Variants in SV2B observed in about 807,000 individuals in gnomAD.
The protein encoded by SV2B is synaptic vesicle glycoprotein 2B.
Under a neutral mutation model 73.9 loss-of-function variants are expected in SV2B, and 41 were observed. That is an observed-to-expected ratio of 0.56 (90% CI 0.43 to 0.72). The LOEUF is 0.72. SV2B is among the 30% of genes least tolerant of loss of function. The probability of loss-of-function intolerance (pLI) is 0.00; values close to 1 mark genes in which losing one functional copy is unlikely to be tolerated. For synonymous variants in SV2B, 314 were observed against 314.2 expected, an observed-to-expected ratio of 1.00 and a Z score of 0.01; for missense variants, 764 against 857.8, an observed-to-expected ratio of 0.89 and a Z score of 1.37.
At position 91,209,024 on chromosome 15, in the gene SV2B, T is replaced by C. The variant is rs112370826; in HGVS notation, c.-391-16849T>C. On this transcript the variant is annotated intron_variant, in intron 1 of 12. Transcript: ENST00000394232. ...CAGGTCCTGCTTCCTGCTACATAGG[T>C]GACAGAAGAGTCAGAGATAGACTCT... 7.7e-3 allele frequency among the ~76,000 whole-genome samples: 1,168 copies of C among 151,908 alleles called. 14 individuals carry two copies. Among genetic ancestry groups the C allele is most frequent in the African/African-American group, 0.027 (1,114 of 41,346 alleles).
Position 91,284,213 on chromosome 15 carries a change from A to G in SV2B, c.1700A>G (p.Lys567Arg), listed in dbSNP as rs2048783024. 5.0e-6 allele frequency: 8 copies of G among 1,614,156 alleles called. No individual in the cohort carries two copies. The highest frequency in any genetic ancestry group is 2.2e-5 in the East Asian group (1 of 44,882). The part of the protein sequence containing the change: ...ALLMDRIGRL[K>R]MIGGSMLISA... ...CTCATGGATAGAATTGGAAGGCTCAAGATGATTGGTGAGTTGCCAGCAGGG... is the reference window on the plus strand; with the variant it reads ...CTCATGGATAGAATTGGAAGGCTCAGGATGATTGGTGAGTTGCCAGCAGGG... The change falls in exon 11 of 13, where the codon AAG (lysine) becomes AGG (arginine). Residue 567 changes from lysine to arginine, a missense_variant. Transcript: ENST00000394232. The surrounding 1 kb of genome is among the most constrained non-coding windows in gnomAD (Gnocchi z 4.5).
chr15:91,171,032 A>T (rs534520446), intron 1 of SV2B, among the ~76,000 whole-genome samples: 64 of 152,332 alleles, frequency 4.2e-4, no homozygotes, highest in African/African-American at 1.5e-3. Context: ...AGATGAGGAA[A>T]CTACGGCTCA....
chr15:91,162,399 A>G (rs113786404), intron 1 of SV2B, among the ~76,000 whole-genome samples: 1,866 of 152,344 alleles, frequency 0.012, 39 homozygotes, highest in African/African-American at 0.043. Context: ...ATAATAGCAA[A>G]AAATGTAATA....
intron 4 of SV2B, among the ~76,000 whole-genome samples, chr15:91,257,051 C>T (rs2047722590): frequency 6.6e-6 from 1 of 152,126 alleles, no homozygotes; most frequent in African/African-American, 2.4e-5. Context: ...TCACAAATAC[C>T]ATTTGAATTG....
In SV2B at chr15:91,226,574, A is replaced by G. The variant is rs1025259734; in HGVS notation, c.311A>G (p.His104Arg). 4.3e-6 allele frequency: 7 copies of G among 1,614,206 alleles called. No homozygotes were observed. Among genetic ancestry groups the G allele is most frequent in the Non-Finnish European group, 5.1e-6 (6 of 1,180,038 alleles). The change falls in exon 2 of 13, where the codon CAT becomes CGT. Residue 104 changes from histidine (H) to arginine (R), a missense_variant. Physicochemically the swap from His to Arg is conservative, Grantham distance 29. Coordinates refer to ENST00000394232, the MANE Select transcript of SV2B (RefSeq NM_001323032.3). The stretch of plus-strand genomic sequence containing the variant: ...GAGACCATCATGGATGAGTGTGGCC[A>G]TGGCCGCTTCCAGTGGATCCTCTTT... Reference protein sequence around the residue: ...QYETIMDECGHGRFQWILFFV... With the variant: ...QYETIMDECGRGRFQWILFFV...
rs147009473 is a variant in SV2B, at chr15:91,184,449, A to G, written c.-391-41424A>G. 3.9e-3 allele frequency among the ~76,000 whole-genome samples: 591 copies of G among 152,304 alleles called. 4 individuals are homozygous for G. Among genetic ancestry groups the G allele is most frequent in the African/African-American group, 0.014 (565 of 41,562 alleles). On this transcript the variant is annotated intron_variant, in intron 1 of 12. Transcript: ENST00000394232. ...TCAGATTTTGTGAGATTTGATGAAT[A>G]ATTGTCAGTTGTTTCTTGGGGAAAA...
chr15:91,145,084 A>G (rs1375514146), intron 1 of SV2B, among the ~76,000 whole-genome samples: 2 of 152,130 alleles, frequency 1.3e-5, no homozygotes, highest in Admixed American at 1.3e-4. Context: ...TTCATCACCC[A>G]GGTTATTGAG....
At chr15:91,271,798 C>T (rs2048326318) in intron 9 of SV2B, among the ~76,000 whole-genome samples, 1 of 152,128 alleles carries the variant, frequency 6.6e-6, no homozygotes, top group African/African-American at 2.4e-5. Context: ...TCTTTGAAAA[C>T]CCCAACCCTC....
intron 1 of SV2B, among the ~76,000 whole-genome samples, chr15:91,142,615 G>T (rs2043029691): frequency 6.6e-6 from 1 of 152,210 alleles, no homozygotes; most frequent in East Asian, 1.9e-4. Context: ...AACATTTATT[G>T]AATGCCTGTA....
At chr15:91,238,676 C>T (rs2046885342) in intron 2 of SV2B, among the ~76,000 whole-genome samples, 1 of 151,894 alleles carries the variant, frequency 6.6e-6, no homozygotes, top group African/African-American at 2.4e-5. Flanking sequence ...AAAATCAGCA[C>T]CCAGCTGATT....
rs2141502544 is a variant in SV2B, at chr15:91,229,489, G to T, written c.451+2775G>T. Among the ~76,000 whole-genome samples, 1 of 152,276 alleles carries T rather than the reference G, an allele frequency of 6.6e-6. No individual in the cohort carries two copies. Among genetic ancestry groups the T allele is most frequent in the Non-Finnish European group, 1.5e-5 (1 of 68,024 alleles). On this transcript the variant is annotated intron_variant, in intron 2 of 12. Transcript: ENST00000394232. The surrounding 1 kb of genome is among the most constrained non-coding windows in gnomAD (Gnocchi z 4.3). ...TGAACTATAGCTGCAGTGAGATGAC[G>T]AAGCAACGTGGCCCTGGAGCCAGTT...
rs980021805 is a variant in SV2B, at chr15:91,129,387, G to A, written c.-392+29024G>A. 6.6e-6 allele frequency among the ~76,000 whole-genome samples: 1 copy of A among 152,222 alleles called. No homozygotes were observed. Among genetic ancestry groups the A allele is most frequent in the African/African-American group, 2.4e-5 (1 of 41,472 alleles). On this transcript the variant is annotated intron_variant, in intron 1 of 12. Transcript: ENST00000394232. The surrounding 1 kb of genome is among the most constrained non-coding windows in gnomAD (Gnocchi z 5.1). ...ACGTAAAATGCAGGGTTGTGATGAA[G>A]GGGGAGAAATCAATTGTCCGGAGAT... is the stretch of plus-strand genomic sequence containing the variant.
rs960386611 is a variant in SV2B, at chr15:91,110,764, C to G, written c.-392+10401C>G. On this transcript the variant is annotated intron_variant, in intron 1 of 12. Transcript: ENST00000394232. This position sits in a 1 kb window ranked among gnomAD's most constrained non-coding sequence, Gnocchi z 5.4. ...AGGGCTCAAGGAATTTAGTTCCACCCCTAGCACTATGACAAGTGACGAACA... is the reference window on the plus strand; with the variant it reads ...AGGGCTCAAGGAATTTAGTTCCACCGCTAGCACTATGACAAGTGACGAACA... 3.3e-5 allele frequency among the ~76,000 whole-genome samples: 5 copies of G among 152,178 alleles called. No homozygotes were observed. The highest frequency in any genetic ancestry group is 1.2e-4 in the African/African-American group (5 of 41,424).
Position 91,224,146 on chromosome 15 carries a change from G to A in SV2B, c.-391-1727G>A, listed in dbSNP as rs1188069266. On this transcript the variant is annotated intron_variant, in intron 1 of 12. Transcript: ENST00000394232. The surrounding 1 kb of genome is among the most constrained non-coding windows in gnomAD (Gnocchi z 4.9). Reference sequence around the variant, plus strand: ...GCAGGTGTGGGGCAGAGGGCCCAGGGATGGGCTGTGGGCAGAGGGAGGAGT... The same window carrying A: ...GCAGGTGTGGGGCAGAGGGCCCAGGAATGGGCTGTGGGCAGAGGGAGGAGT... Among the ~76,000 whole-genome samples, 2 of 152,232 alleles carry A rather than the reference G, an allele frequency of 1.3e-5. No individual in the cohort carries two copies. The highest frequency in any genetic ancestry group is 4.8e-5 in the African/African-American group (2 of 41,446).
rs2046375367 is a variant in SV2B at position 91,226,307 on chromosome 15, C to T, written c.44C>T (p.Pro15Leu). 1.2e-6 allele frequency: 2 copies of T among 1,614,124 alleles called. No individual in the cohort carries two copies. The highest frequency in any genetic ancestry group is 1.3e-5 in the African/African-American group (1 of 75,024). Residue 15 changes from proline (P) to leucine (L), a missense_variant, in exon 2 of 13, where the codon CCC (proline) becomes CTC (leucine). By Grantham distance (98) the Pro-to-Leu change is moderately conservative. Transcript: ENST00000394232. ...CAGGACAATTATGGGGGCTATGCTCCCAGTGATGGCTATTACCGCGGCAAT... is the reference window on the plus strand; with the variant it reads ...CAGGACAATTATGGGGGCTATGCTCTCAGTGATGGCTATTACCGCGGCAAT... ...KYQDNYGGYA[P>L]SDGYYRGNES...
rs1282088553 is a variant in SV2B at position 91,132,703 on chromosome 15, A to C, written c.-392+32340A>C. ...CTCCAGACCCTATTTCTCCTGCCTCAGTGGCACATGCCTGTAGTCCCAGCT... is the reference window on the plus strand; with the variant it reads ...CTCCAGACCCTATTTCTCCTGCCTCCGTGGCACATGCCTGTAGTCCCAGCT... On this transcript the variant is annotated intron_variant, in intron 1 of 12. Transcript: ENST00000394232. This position sits in a 1 kb window ranked among gnomAD's most constrained non-coding sequence, Gnocchi z 4.6. Among the ~76,000 whole-genome samples, 1 of 152,060 alleles carries C rather than the reference A, an allele frequency of 6.6e-6. No individual in the cohort carries two copies. The highest frequency in any genetic ancestry group is 1.5e-5 in the Non-Finnish European group (1 of 68,018).
Position 91,110,552 on chromosome 15 carries a change from C to T in SV2B, c.-392+10189C>T, listed in dbSNP as rs762746900. 6.6e-6 allele frequency among the ~76,000 whole-genome samples: 1 copy of T among 152,202 alleles called. No individual in the cohort carries two copies. The highest frequency in any genetic ancestry group is 2.1e-4 in the South Asian group (1 of 4,830). Reference sequence around the variant, plus strand: ...TGCTCTATCGCACGCAGAATCTGACCGTGGCCTCTCGCCTGATCTGGGGTG... The same window carrying T: ...TGCTCTATCGCACGCAGAATCTGACTGTGGCCTCTCGCCTGATCTGGGGTG... On this transcript the variant is annotated intron_variant, in intron 1 of 12. Coordinates refer to ENST00000394232, the MANE Select transcript of SV2B (RefSeq NM_001323032.3). The surrounding 1 kb of genome is among the most constrained non-coding windows in gnomAD (Gnocchi z 5.4).
Position 91,122,280 on chromosome 15 carries a change from G to A in SV2B, c.-392+21917G>A, listed in dbSNP as rs1330193310. 6.6e-6 allele frequency among the ~76,000 whole-genome samples: 1 copy of A among 152,196 alleles called. No individual in the cohort carries two copies. Among genetic ancestry groups the A allele is most frequent in the Admixed American group, 6.5e-5 (1 of 15,282 alleles). ...TGAGTACAGAGTCAGATTCAGAGAA[G>A]GAGTTGATCAACGATATCCTCTCCC... On this transcript the variant is annotated intron_variant, in intron 1 of 12. Transcript: ENST00000394232. The surrounding 1 kb of genome is among the most constrained non-coding windows in gnomAD (Gnocchi z 4.3).
chr15:91,154,386 G>A (rs1342133474), intron 1 of SV2B, among the ~76,000 whole-genome samples: 2 of 152,008 alleles, frequency 1.3e-5, no homozygotes, highest in African/African-American at 4.8e-5. Context: ...TTAGGGTCAG[G>A]GGTCCAGGAG....
Sources: gnomAD v4.1 joint callset for allele counts (sites outside exome capture counted in the v4.1 genomes callset) on GRCh38, gnomAD v4.1.1 for gene constraint, Gnocchi (gnomAD v3.1) non-coding constraint, MANE v1.5 for transcripts, NCBI Gene and HGNC (gene_info 2026-07-23, HGNC 2026-07-21) for gene names.